Variants in FBXO34 observed in about 807,000 individuals in gnomAD.
FBXO34 encodes F-box only protein 34.
A neutral mutation model predicts 24.5 loss-of-function variants in FBXO34; 12 were observed. The observed-to-expected ratio is 0.49, with a 90% confidence interval of 0.31 to 0.79. FBXO34 has a LOEUF of 0.79. FBXO34 is among the 30% of genes least tolerant of loss of function. The pLI, the probability that FBXO34 is intolerant of heterozygous loss-of-function variation, is 0.04. For synonymous variants in FBXO34, 320 were observed against 311.9 expected (o/e 1.03, Z -0.27); for missense variants, 823 against 857.7 (o/e 0.96, Z 0.51).
the FBXO34 span, among the ~76,000 whole-genome samples, chr14:55,417,771 T>C: frequency 3.3e-5 from 5 of 152,308 alleles, no homozygotes; most frequent in Admixed American, 2.0e-4. Flanking sequence ...TACCATTCCT[T>C]TTCTTCAGGC....
intron 1 of FBXO34, among the ~76,000 whole-genome samples, chr14:55,332,129 C>T (rs765157778): frequency 3.4e-5 from 5 of 148,760 alleles, no homozygotes; most frequent in Non-Finnish European, 7.4e-5. Flanking sequence ...ATATATAACT[C>T]ATTCTCACTA....
intron 3 of FBXO34, among the ~76,000 whole-genome samples, chr14:55,360,292 T>C (rs10136018): frequency 2.6e-5 from 4 of 152,042 alleles, no homozygotes; most frequent in Admixed American, 2.6e-4. Flanking sequence ...AGGCTGGTCT[T>C]GAACTCCTGA....
At chr14:55,362,676 G>A (rs1594771851), downstream of FBXO34, among the ~76,000 whole-genome samples, 1 of 152,170 alleles carries the variant, frequency 6.6e-6, no homozygotes, top group African/African-American at 2.4e-5. Context: ...GAATGCAACT[G>A]TGAAACTGCT....
At chr14:55,312,956 G>A (rs1467592436) in intron 1 of FBXO34, among the ~76,000 whole-genome samples, 1 of 152,170 alleles carries the variant, frequency 6.6e-6, no homozygotes, top group Non-Finnish European at 1.5e-5. Context: ...TTTTGTAGCT[G>A]GCTTGAATTT....
chr14:55,281,282 T>C (rs1338408139), intron 1 of FBXO34, among the ~76,000 whole-genome samples: 1 of 133,700 alleles, frequency 7.5e-6, no homozygotes, highest in African/African-American at 2.7e-5. Flanking sequence ...AAAAAGCACA[T>C]CTCAGTTCAG....
chr14:55,283,145 C>A (rs149848449), intron 1 of FBXO34, among the ~76,000 whole-genome samples: 20 of 152,282 alleles, frequency 1.3e-4, no homozygotes, highest in African/African-American at 4.3e-4. Context: ...GAACGAAGGA[C>A]TATCAAAATG....
In FBXO34 at chr14:55,360,819, G is replaced by GA. The variant is rs200918034; in HGVS notation, c.*589-911dup. Among the ~76,000 whole-genome samples the GA allele has an allele frequency of 5.0e-3, 761 of 152,034 alleles. 9 individuals carry two copies. The highest frequency in any genetic ancestry group is 0.017 in the African/African-American group (705 of 41,430). On this transcript the variant is annotated intron_variant and NMD_transcript_variant, in intron 3 of 3. Coordinates refer to the FBXO34 transcript ENST00000555280. ...TTGAGACCAGCTTGGCCAACGTGGTGAAACTCTGTCTCTACTAAAAATGCA... is the reference window on the plus strand; with the variant it reads ...TTGAGACCAGCTTGGCCAACGTGGTGAAAACTCTGTCTCTACTAAAAATGCA...
the FBXO34 span, among the ~76,000 whole-genome samples, chr14:55,375,371 C>G: frequency 6.6e-6 from 1 of 152,058 alleles, no homozygotes; most frequent in East Asian, 1.9e-4. Flanking sequence ...TTCTGTCATC[C>G]AGGTTGGAGT....
chr14:55,298,594 G>A (rs934492344), intron 1 of FBXO34: 3 of 901,310 alleles, frequency 3.3e-6, no homozygotes, highest in Middle Eastern at 3.4e-4. Flanking sequence ...GGAGGAGGGC[G>A]GGCGCCGGAG....
At chr14:55,300,517 T>C (rs1236283607) in intron 1 of FBXO34, among the ~76,000 whole-genome samples, 1 of 152,140 alleles carries the variant, frequency 6.6e-6, no homozygotes, top group Non-Finnish European at 1.5e-5. Flanking sequence ...ATCACTTGAA[T>C]CCGGGAGGCG....
chr14:55,296,035 C>A (rs1228408960), intron 1 of FBXO34, among the ~76,000 whole-genome samples: 1 of 152,126 alleles, frequency 6.6e-6, no homozygotes, highest in Non-Finnish European at 1.5e-5. Flanking sequence ...CACCTGTAAT[C>A]CCAGCTACTT....
At chr14:55,296,112 CT>C (rs1009807053) in intron 1 of FBXO34, among the ~76,000 whole-genome samples, 4 of 151,852 alleles carry the variant, frequency 2.6e-5, no homozygotes, top group African/African-American at 4.8e-5. Flanking sequence ...AAGTCCCCCC[CT>C]TTTTTTTAAA....
intron 1 of FBXO34, among the ~76,000 whole-genome samples, chr14:55,339,224 A>G (rs1175636422): frequency 6.6e-6 from 1 of 152,328 alleles, no homozygotes; most frequent in East Asian, 1.9e-4. Flanking sequence ...CACATTTACA[A>G]TATTGGTTTT....
At chr14:55,397,486 A>G in the FBXO34 span, 19 of 1,378,764 alleles carry the variant, frequency 1.4e-5, no homozygotes, top group African/African-American at 2.8e-5. Context: ...TTTCAGTTCA[A>G]TGAGACTATG....
intron 1 of FBXO34, among the ~76,000 whole-genome samples, chr14:55,293,180 C>T (rs982486971): frequency 1.3e-5 from 2 of 151,896 alleles, no homozygotes; most frequent in African/African-American, 2.4e-5. Flanking sequence ...ACCCCGCACC[C>T]GGCCTTGTTT....
intron 1 of FBXO34, among the ~76,000 whole-genome samples, chr14:55,311,104 A>G (rs1196181709): frequency 6.6e-6 from 1 of 152,226 alleles, no homozygotes; most frequent in Non-Finnish European, 1.5e-5. Flanking sequence ...TAAAGGAAAG[A>G]GGTTTAATTG....
rs386381425 is a variant in FBXO34, at chr14:55,327,908, G to GTTTTTTTTTTTTTT, written c.-10-22451_-10-22438dup. ...CATATGATTTTCTTTGTTGTTGTTG[G>GTTTTTTTTTTTTTT]TTTTTTTTTTTTTTTTTTTTTTTTT... On this transcript the variant is annotated intron_variant, in intron 1 of 1. Transcript: ENST00000313833. Among the ~76,000 whole-genome samples, 4 of 48,728 alleles carry GTTTTTTTTTTTTTT rather than the reference G, an allele frequency of 8.2e-5. 1 individual carries two copies. Among genetic ancestry groups the GTTTTTTTTTTTTTT allele is most frequent in the African/African-American group, 1.7e-4 (2 of 11,748 alleles). 32.0% of individuals were successfully genotyped at this position (48,728 alleles called of 152,430 possible).
At chr14:55,395,299 G>C in the FBXO34 span, 1 of 277,532 alleles carries the variant, frequency 3.6e-6, no homozygotes, top group Non-Finnish European at 7.4e-6. Flanking sequence ...CCTCAGCAAA[G>C]CCGGGCTGCC....
At chr14:55,428,121 T>A in the FBXO34 span, among the ~76,000 whole-genome samples, 5 of 56,978 alleles carry the variant, frequency 8.8e-5, no homozygotes, top group Admixed American at 3.3e-4. Flanking sequence ...TGCCTTATCT[T>A]TTTTTTTTTT....
Sources: gnomAD v4.1 joint callset for allele counts (sites outside exome capture counted in the v4.1 genomes callset) on GRCh38, gnomAD v4.1.1 for gene constraint, MANE v1.5 for transcripts, NCBI Gene and HGNC (gene_info 2026-07-23, HGNC 2026-07-21) for gene names.